The following MAP4 variants were observed in gnomAD, a reference collection of about 807,000 sequenced individuals.
MAP4 encodes the protein microtubule-associated protein 4.
In MAP4, 76 loss-of-function variants were observed where a neutral mutation model predicts 170.2. That is an observed-to-expected ratio of 0.45 (90% CI 0.37 to 0.54). The LOEUF is 0.54. Ranked by LOEUF, MAP4 falls within the 20% of genes least tolerant of loss-of-function variation. The probability of loss-of-function intolerance (pLI) is 0.00; values close to 1 mark genes in which losing one functional copy is unlikely to be tolerated. For missense variants in MAP4, 2,506 were observed against 2,748.0 expected, an observed-to-expected ratio of 0.91 and a Z score of 1.97; for synonymous variants, 909 against 994.5, an observed-to-expected ratio of 0.91 and a Z score of 1.62.
intron 3 of MAP4, among the ~76,000 whole-genome samples, chr3:47,941,709 C>A (rs2100056577): frequency 6.6e-6 from 1 of 150,714 alleles, no homozygotes; most frequent in Admixed American, 6.6e-5. Context: ...ACTGTTTGAA[C>A]CCGGGAGGCA....
chr3:47,955,756 C>G (rs185466353), intron 3 of MAP4, among the ~76,000 whole-genome samples: 70 of 152,252 alleles, frequency 4.6e-4, no homozygotes, highest in African/African-American at 1.6e-3. Context: ...ACAAAGTTAC[C>G]TACAAGGTTG....
At chr3:47,861,915 A>G (rs1473673191) in intron 17 of MAP4, among the ~76,000 whole-genome samples, 1 of 151,874 alleles carries the variant, frequency 6.6e-6, no homozygotes, top group Admixed American at 6.6e-5. Context: ...TAATCCTAGC[A>G]CTTTGGGAGG....
At chr3:47,929,341 G>A (rs1015165310) in intron 3 of MAP4, among the ~76,000 whole-genome samples, 2 of 152,028 alleles carry the variant, frequency 1.3e-5, no homozygotes, top group Non-Finnish European at 2.9e-5. Flanking sequence ...GGGTGACAGA[G>A]CAAGACTGTA....
chr3:47,901,964 AG>A, intron 10 of MAP4, among the ~76,000 whole-genome samples: 1 of 152,190 alleles, frequency 6.6e-6, no homozygotes, highest in Middle Eastern at 3.4e-3. Flanking sequence ...GTTTGAGACT[AG>A]CCTGGGCAAC....
intron 1 of MAP4, among the ~76,000 whole-genome samples, chr3:48,012,785 A>T (rs969522389): frequency 1.3e-5 from 2 of 152,164 alleles, no homozygotes; most frequent in African/African-American, 4.8e-5. Flanking sequence ...GGAAAGTGGG[A>T]AGGTCATGAA....
intron 1 of MAP4, among the ~76,000 whole-genome samples, chr3:48,002,250 A>C (rs981317223): frequency 6.7e-6 from 1 of 148,516 alleles, no homozygotes; most frequent in Non-Finnish European, 1.5e-5. Flanking sequence ...TCAAAAAGAA[A>C]AAAAAAAGAA....
intron 18 of MAP4, among the ~76,000 whole-genome samples, chr3:47,856,236 T>C (rs1397264978): frequency 6.6e-6 from 1 of 152,172 alleles, no homozygotes; most frequent in African/African-American, 2.4e-5. Context: ...ACGCACAGCT[T>C]CTGGCCGAGG....
intron 3 of MAP4, chr3:47,960,867 A>G (rs570995768): frequency 6.0e-6 from 1 of 167,564 alleles, no homozygotes; most frequent in East Asian, 1.9e-4. Flanking sequence ...TATCATAGAA[A>G]AGTTCAATTT....
At chr3:48,005,865 A>C (rs2100102035) in intron 1 of MAP4, among the ~76,000 whole-genome samples, 1 of 152,210 alleles carries the variant, frequency 6.6e-6, no homozygotes, top group Non-Finnish European at 1.5e-5. Flanking sequence ...TCAATTACAA[A>C]ATTGAAATAC....
chr3:48,049,362 G>A (rs1350456172), intron 1 of MAP4, among the ~76,000 whole-genome samples: 1 of 152,212 alleles, frequency 6.6e-6, no homozygotes, highest in African/African-American at 2.4e-5. Context: ...TCCAGCACCT[G>A]TAATCCTAGC....
At chr3:48,001,158 G>A (rs565520563) in intron 1 of MAP4, among the ~76,000 whole-genome samples, 5 of 151,768 alleles carry the variant, frequency 3.3e-5, no homozygotes, top group Non-Finnish European at 5.9e-5. Context: ...TTAAGGCCAG[G>A]GGCAAGATCT....
At chr3:47,902,377 T>TA (rs753264042) in intron 10 of MAP4, among the ~76,000 whole-genome samples, 47 of 151,594 alleles carry the variant, frequency 3.1e-4, no homozygotes, top group East Asian at 2.1e-3. Flanking sequence ...AGCATGGTAG[T>TA]AAAAAAAAGC....
intron 1 of MAP4, among the ~76,000 whole-genome samples, chr3:48,049,708 G>A (rs1003594235): frequency 2.6e-4 from 39 of 152,104 alleles, no homozygotes; most frequent in African/African-American, 8.4e-4. Context: ...CAAGGCAGGC[G>A]GATCGCGACG....
intron 1 of MAP4, among the ~76,000 whole-genome samples, chr3:48,014,072 T>C (rs1050137714): frequency 2.0e-5 from 3 of 152,180 alleles, no homozygotes; most frequent in Non-Finnish European, 4.4e-5. Context: ...TATTAAGAGC[T>C]AGGTGCTCAT....
Position 47,917,112 on chromosome 3 carries a change from A to T in MAP4, c.715T>A (p.Leu239Met). The change falls in exon 7 of 21, where the codon TTG (leucine) becomes ATG (methionine). Residue 239 changes from leucine (L) to methionine (M), a missense_variant. Leu to Met is a conservative substitution (Grantham distance 15). Around this residue, in one of 3 missense-constraint regions of MAP4, gnomAD observed 2,008 missense variants for 2,206.0 expected, o/e 0.91. Coordinates refer to ENST00000683076, the MANE Select transcript of MAP4 (RefSeq NM_001385682.1). Reference protein sequence around the residue: ...ASEERPPAQALEIMMGLKTTD... With the variant: ...ASEERPPAQAMEIMMGLKTTD... ...GTCTTCAGTCCCATCATTATTTCCAATGCTTGTGCTGGTGGCCTCTCTTCT... is the reference window on the plus strand; with the variant it reads ...GTCTTCAGTCCCATCATTATTTCCATTGCTTGTGCTGGTGGCCTCTCTTCT... 6.2e-7 allele frequency: 1 copy of T among 1,614,084 alleles called. No homozygotes were observed. The highest frequency in any genetic ancestry group is 1.7e-5 in the Admixed American group (1 of 60,018).
chr3:48,061,825 T>C (rs796643437), intron 1 of MAP4, among the ~76,000 whole-genome samples: 11 of 138,176 alleles, frequency 8.0e-5, no homozygotes, highest in Non-Finnish European at 1.4e-4. Flanking sequence ...AGCCGCCCCA[T>C]CCGGGAGGGA....
At chr3:47,868,917 T>C (rs1427019501) in intron 16 of MAP4, among the ~76,000 whole-genome samples, 1 of 152,194 alleles carries the variant, frequency 6.6e-6, no homozygotes, top group African/African-American at 2.4e-5. Flanking sequence ...AGGTTTCACA[T>C]CAAGGTCAGT....
At chr3:47,971,893 C>A (rs1389755484) in intron 3 of MAP4, among the ~76,000 whole-genome samples, 1 of 152,100 alleles carries the variant, frequency 6.6e-6, no homozygotes, top group African/African-American at 2.4e-5. Context: ...GGTTTCACTT[C>A]GCATCAGGGA....
intron 1 of MAP4, among the ~76,000 whole-genome samples, chr3:48,044,593 T>C (rs948306370): frequency 1.3e-5 from 2 of 151,928 alleles, no homozygotes; most frequent in African/African-American, 4.8e-5. Context: ...CGAAACCTCA[T>C]GTCTACTAAA....
Sources: gnomAD v4.1 joint callset for allele counts (sites outside exome capture counted in the v4.1 genomes callset) on GRCh38, gnomAD v4.1.1 for gene constraint, gnomAD v4.1.1 regional missense constraint, MANE v1.5 for transcripts, NCBI Gene and HGNC (gene_info 2026-07-23, HGNC 2026-07-21) for gene names.